The following ZMYND8 variants were observed in gnomAD, a reference collection of about 807,000 sequenced individuals.
ZMYND8 encodes the protein zinc finger MYND-type containing 8.
Under a neutral mutation model 140.8 loss-of-function variants are expected in ZMYND8, and 37 were observed. That is an observed-to-expected ratio of 0.26 (90% confidence interval 0.20 to 0.35). The LOEUF (loss-of-function observed/expected upper bound fraction) is 0.35. ZMYND8 is among the 10% of genes least tolerant of loss of function. ZMYND8 has a pLI of 1.00. For missense variants in ZMYND8, 1,068 were observed against 1,570.0 expected (o/e 0.68, Z 5.40); for synonymous variants, 592 against 597.1 (o/e 0.99, Z 0.12).
At chr20:47,355,416 C>T (rs1331694433) in intron 1 of ZMYND8, 1 of 984,118 alleles carries the variant, frequency 1.0e-6, no homozygotes, top group African/African-American at 1.7e-5. Flanking sequence ...ACTCTTCAAA[C>T]ATGGTCACAG....
intron 2 of ZMYND8, among the ~76,000 whole-genome samples, chr20:47,337,832 T>TAC (rs1344750150): frequency 6.6e-6 from 1 of 152,082 alleles, no homozygotes; most frequent in African/African-American, 2.4e-5. Flanking sequence ...TAAAACGCTC[T>TAC]ACTAAATGCC....
At chr20:47,211,456 G>A (rs911364145) in intron 22 of ZMYND8, among the ~76,000 whole-genome samples, 1 of 152,180 alleles carries the variant, frequency 6.6e-6, no homozygotes, top group African/African-American at 2.4e-5. Flanking sequence ...CTGACTCCCG[G>A]TAAGGACAAG....
At chr20:47,254,792 C>T (rs1422902559) in intron 12 of ZMYND8, among the ~76,000 whole-genome samples, 1 of 152,092 alleles carries the variant, frequency 6.6e-6, no homozygotes, top group African/African-American at 2.4e-5. Context: ...GGCCTCTACC[C>T]CCTAGATGCT....
intron 10 of ZMYND8, among the ~76,000 whole-genome samples, chr20:47,277,009 G>T (rs948032916): frequency 2.6e-5 from 4 of 151,346 alleles, no homozygotes; most frequent in African/African-American, 9.7e-5. Context: ...AAACTTCGGC[G>T]AAAACATTTA....
At chr20:47,312,416 C>G (rs1454412077) in intron 2 of ZMYND8, among the ~76,000 whole-genome samples, 2 of 152,124 alleles carry the variant, frequency 1.3e-5, no homozygotes, top group Non-Finnish European at 2.9e-5. Flanking sequence ...CGTGGAGACC[C>G]AGTCATGAGT....
intron 11 of ZMYND8, among the ~76,000 whole-genome samples, chr20:47,270,970 G>A (rs1041169746): frequency 2.6e-5 from 4 of 152,022 alleles, no homozygotes; most frequent in Middle Eastern, 3.2e-3. Flanking sequence ...CCAGCTACTC[G>A]GGAGGCTGAG....
chr20:47,330,103 T>C (rs574457375), intron 2 of ZMYND8, among the ~76,000 whole-genome samples: 4 of 152,326 alleles, frequency 2.6e-5, no homozygotes, highest in South Asian at 4.1e-4. Context: ...TGGGTCTCCA[T>C]GGACACAGTG....
Position 47,319,220 on chromosome 20 carries a change from C to T in ZMYND8, c.86-9016G>A, listed in dbSNP as rs1198124407. The stretch of plus-strand genomic sequence containing the variant: ...ACCCAGCGACTTGCCTTCATGTCCC[C>T]GGGCTTTCGCCTATAATTTATCACC... On this transcript the variant is annotated intron_variant, in intron 2 of 22. Coordinates refer to ENST00000471951, the MANE Select transcript of ZMYND8 (RefSeq NM_001281775.3). 5 of 373,800 alleles carry T rather than the reference C, an allele frequency of 1.3e-5. 1 individual carries two copies. The highest frequency in any genetic ancestry group is 6.0e-5 in the South Asian group (3 of 49,698). 23.2% of individuals were successfully genotyped at this position (373,800 alleles called of 1,614,324 possible). A position where few individuals can be genotyped will look rare whatever the true frequency, so the allele number is the denominator to read the frequency against.
At chr20:47,242,967 TGTCACTG>T (rs1028055369) in intron 14 of ZMYND8, among the ~76,000 whole-genome samples, 5 of 152,216 alleles carry the variant, frequency 3.3e-5, no homozygotes, top group African/African-American at 1.2e-4. Context: ...TTCCTGAATT[TGTCACTG>T]GTCACTGTTT....
At chr20:47,313,527 C>G (rs953297471) in intron 2 of ZMYND8, among the ~76,000 whole-genome samples, 4 of 152,006 alleles carry the variant, frequency 2.6e-5, no homozygotes, top group Admixed American at 6.6e-5. Context: ...GAGGCTGAGG[C>G]AGGAGAATGG....
At chr20:47,258,181 C>T (rs113825543) in intron 12 of ZMYND8, among the ~76,000 whole-genome samples, 2 of 152,184 alleles carry the variant, frequency 1.3e-5, no homozygotes, top group Non-Finnish European at 2.9e-5. Context: ...CACCTTACCC[C>T]CTGACCCCCA....
intron 10 of ZMYND8, among the ~76,000 whole-genome samples, chr20:47,277,651 TTTTATTTATTTA>T (rs35308600): frequency 0.018 from 2,607 of 147,606 alleles, 56 homozygotes; most frequent in African/African-American, 0.057. Context: ...AATTAATTCA[TTTTATTTATTTA>T]TTTATTTATT....
chr20:47,271,307 TG>T (rs1569055778), intron 11 of ZMYND8, among the ~76,000 whole-genome samples: 2 of 152,194 alleles, frequency 1.3e-5, no homozygotes, highest in African/African-American at 4.8e-5. Flanking sequence ...ACATGGTGCA[TG>T]CTAGCATTTG....
intron 2 of ZMYND8, among the ~76,000 whole-genome samples, chr20:47,336,393 G>T (rs2081387462): frequency 6.6e-6 from 1 of 152,158 alleles, no homozygotes; most frequent in Non-Finnish European, 1.5e-5. Context: ...TTGTGCCGGT[G>T]ACATTACACA....
chr20:47,241,740 G>A (rs1227238696), intron 14 of ZMYND8, among the ~76,000 whole-genome samples: 1 of 151,940 alleles, frequency 6.6e-6, no homozygotes, highest in African/African-American at 2.4e-5. Flanking sequence ...CCAGGTACAA[G>A]CCAGCACCCC....
intron 1 of ZMYND8, chr20:47,348,470 C>A (rs2082514363): frequency 5.9e-6 from 1 of 170,454 alleles, no homozygotes; most frequent in Non-Finnish European, 1.2e-5. Context: ...AAGCTAAAGA[C>A]CTGGTCTCAA....
At chr20:47,270,855 A>T (rs2075890311) in intron 11 of ZMYND8, among the ~76,000 whole-genome samples, 4 of 152,058 alleles carry the variant, frequency 2.6e-5, no homozygotes, top group African/African-American at 9.7e-5. Context: ...AGGCGGGCAG[A>T]TCACGAGGTC....
At chr20:47,283,790 G>GTA in intron 8 of ZMYND8, 142 bp from the exon 9 acceptor site, 1 of 771,544 alleles carries the variant, frequency 1.3e-6, no homozygotes, top group South Asian at 1.7e-5. Context: ...CAACCACTAT[G>GTA]TATCGCTCCC....
intron 21 of ZMYND8, among the ~76,000 whole-genome samples, chr20:47,219,028 C>T (rs1041303779): frequency 1.4e-5 from 2 of 147,296 alleles, no homozygotes; most frequent in African/African-American, 4.9e-5. Context: ...ACCAACCTGG[C>T]CAACATGGCA....
Sources: gnomAD v4.1 joint callset for allele counts (sites outside exome capture counted in the v4.1 genomes callset) on GRCh38, gnomAD v4.1.1 for gene constraint, MANE v1.5 for transcripts, NCBI Gene and HGNC (gene_info 2026-07-23, HGNC 2026-07-21) for gene names.